Variants in NRXN3 observed in about 807,000 individuals in gnomAD.
NRXN3 encodes neurexin 3, also known as neurexin III.
NRXN3 carries 32 observed loss-of-function variants against 137.6 expected under a neutral mutation model. That is an observed-to-expected ratio of 0.23 (90% confidence interval 0.18 to 0.31). NRXN3 has a LOEUF of 0.31. NRXN3 is among the 10% of genes least tolerant of loss of function. NRXN3 has a pLI of 1.00. For missense variants in NRXN3, 1,574 were observed against 2,062.5 expected, an observed-to-expected ratio of 0.76 and a Z score of 4.59; for synonymous variants, 798 against 784.5, an observed-to-expected ratio of 1.02 and a Z score of -0.29.
intron 15 of NRXN3, among the ~76,000 whole-genome samples, chr14:78,992,772 T>G (rs1030540735): frequency 6.6e-6 from 1 of 152,230 alleles, no homozygotes; most frequent in Non-Finnish European, 1.5e-5. Context: ...GACAACTGTT[T>G]TGAGTGGCAT....
At chr14:78,549,916 G>A (rs1162035059) in intron 4 of NRXN3, among the ~76,000 whole-genome samples, 10 of 151,640 alleles carry the variant, frequency 6.6e-5, no homozygotes, top group Admixed American at 2.0e-4. Flanking sequence ...TCCCACTGTC[G>A]ATACTTTATC....
chr14:79,196,984 G>C (rs1157203571), intron 15 of NRXN3, among the ~76,000 whole-genome samples: 1 of 152,116 alleles, frequency 6.6e-6, no homozygotes, highest in Non-Finnish European at 1.5e-5. Context: ...AGGGTCTGGG[G>C]GTCAGTTGAG....
At chr14:78,261,228 G>A (rs1374898060) in intron 2 of NRXN3, among the ~76,000 whole-genome samples, 1 of 152,184 alleles carries the variant, frequency 6.6e-6, no homozygotes, top group African/African-American at 2.4e-5. Context: ...CAGCTGGGGG[G>A]TCTCTAGCAT....
chr14:78,495,431 T>A (rs2095761421), intron 4 of NRXN3, among the ~76,000 whole-genome samples: 1 of 152,124 alleles, frequency 6.6e-6, no homozygotes, highest in South Asian at 2.1e-4. Context: ...TGTTTCTGTG[T>A]ATCAGAGCAG....
chr14:78,801,721 T>G (rs2098839603), intron 8 of NRXN3, among the ~76,000 whole-genome samples: 1 of 152,224 alleles, frequency 6.6e-6, no homozygotes, highest in South Asian at 2.1e-4. Context: ...CCTCCTTCTT[T>G]CTTTCCTTTA....
chr14:79,411,565 A>G (rs1405209610), intron 15 of NRXN3, among the ~76,000 whole-genome samples: 2 of 152,148 alleles, frequency 1.3e-5, no homozygotes, highest in African/African-American at 4.8e-5. Context: ...ATGACTCTAC[A>G]TGCCCTTTAT....
chr14:78,635,737 G>T (rs930405113), intron 4 of NRXN3, among the ~76,000 whole-genome samples: 1 of 152,104 alleles, frequency 6.6e-6, no homozygotes, highest in African/African-American at 2.4e-5. Context: ...AAGGGTGAAA[G>T]GATATGTAAG....
intron 15 of NRXN3, among the ~76,000 whole-genome samples, chr14:79,209,485 A>G (rs989233838): frequency 6.6e-6 from 1 of 152,182 alleles, no homozygotes; most frequent in Non-Finnish European, 1.5e-5. Context: ...CTACTATGTG[A>G]GAGACTCTCA....
chr14:78,209,965 G>A (rs2153410199), intron 1 of NRXN3, among the ~76,000 whole-genome samples: 1 of 152,226 alleles, frequency 6.6e-6, no homozygotes, highest in Middle Eastern at 3.4e-3. Context: ...GAATTTAAGA[G>A]CCACAAAGGC....
chr14:78,930,545 C>A lies in NRXN3; in HGVS notation c.2276-26697C>A, dbSNP rs550548976. On this transcript the variant is annotated intron_variant, in intron 10 of 20. Transcript: ENST00000335750. ...GCATGTAAACAGATGAATTACAGCA[C>A]GAAGTGCTACTGCTGCACCAAGACA... Among the ~76,000 whole-genome samples the A allele has an allele frequency of 5.1e-4, 78 of 152,216 alleles. 1 individual carries two copies. The South Asian group carries it at 0.015, about 30-fold the overall frequency.
rs1427523595 is a variant in NRXN3 at position 79,467,332 on chromosome 14, C to T, written c.3374C>T (p.Thr1125Ile). 1.9e-6 allele frequency: 3 copies of T among 1,613,614 alleles called. No homozygotes were observed. The highest frequency in any genetic ancestry group is 2.5e-6 in the Non-Finnish European group (3 of 1,179,608). The stretch of plus-strand genomic sequence containing the variant: ...CGCCTTGCCGTGGGCTTCAGCACCA[C>T]TGTGAAGGATGGCATCTTGGTCCGC... ...SDRLAVGFST[T>I]VKDGILVRID... is the part of the protein sequence containing the mutation. Residue 1125 changes from threonine (T) to isoleucine (I), a missense_variant, in exon 16 of 21, where the codon ACT (threonine) becomes ATT (isoleucine). Physicochemically the swap from Thr to Ile is moderately conservative, Grantham distance 89. Coordinates refer to ENST00000335750, the MANE Select transcript of NRXN3 (RefSeq NM_001330195.2).
intron 15 of NRXN3, among the ~76,000 whole-genome samples, chr14:79,419,585 C>T (rs1417197643): frequency 2.6e-5 from 4 of 151,956 alleles, no homozygotes; most frequent in African/African-American, 9.7e-5. Flanking sequence ...TGTGTGCCTC[C>T]TGCTGCCACA....
At chr14:79,184,750 T>C (rs927495643) in intron 15 of NRXN3, among the ~76,000 whole-genome samples, 1 of 152,152 alleles carries the variant, frequency 6.6e-6, no homozygotes, top group African/African-American at 2.4e-5. Context: ...AATACCAGAA[T>C]ATGTTTTGTT....
rs534142842 is a variant in NRXN3, at chr14:79,838,104, T to C, written c.4094-23238T>C. On this transcript the variant is annotated intron_variant, in intron 20 of 20. Transcript: ENST00000335750. Reference sequence around the variant, plus strand: ...TAGTATACAGTGTTAAAAACTCAGCTTTTTGAGGGACCCAAGCAAGCCTAA... The same window carrying C: ...TAGTATACAGTGTTAAAAACTCAGCCTTTTGAGGGACCCAAGCAAGCCTAA... Among the ~76,000 whole-genome samples, 6 of 137,350 alleles carry C rather than the reference T, an allele frequency of 4.4e-5. No individual in the cohort carries two copies. In the South Asian group the frequency reaches 1.5e-3, roughly 34 times the overall value. 90.1% of individuals were successfully genotyped at this position (137,350 alleles called of 152,430 possible).
chr14:78,316,726 T>G (rs2153553693), intron 4 of NRXN3, among the ~76,000 whole-genome samples: 1 of 152,272 alleles, frequency 6.6e-6, no homozygotes, highest in Admixed American at 6.5e-5. Flanking sequence ...ACAAAGGGCA[T>G]TTATGGGCTC....
intron 16 of NRXN3, among the ~76,000 whole-genome samples, chr14:79,652,816 G>T (rs528827491): frequency 9.4e-4 from 143 of 151,998 alleles, no homozygotes; most frequent in Non-Finnish European, 1.7e-3. Flanking sequence ...TGTCATGGAG[G>T]TCATAGGGCC....
chr14:79,212,186 G>A (rs2067775888), intron 15 of NRXN3, among the ~76,000 whole-genome samples: 1 of 152,186 alleles, frequency 6.6e-6, no homozygotes, highest in African/African-American at 2.4e-5. Flanking sequence ...GCATCATTGT[G>A]TTTGGGCTGC....
Position 78,835,529 on chromosome 14 carries a change from AG to A in NRXN3, c.2275+25186del, listed in dbSNP as rs1177340549. 1.3e-5 allele frequency among the ~76,000 whole-genome samples: 2 copies of A among 152,080 alleles called. 1 individual carries two copies. Among genetic ancestry groups the A allele is most frequent in the African/African-American group, 4.8e-5 (2 of 41,402 alleles). ...ACTATGCTCTGGGCACTTGGCATCC[AG>A]TTTCTTTTTGTCCCTATCTCTTTTG... On this transcript the variant is annotated intron_variant, in intron 10 of 20. Coordinates refer to ENST00000335750, the MANE Select transcript of NRXN3 (RefSeq NM_001330195.2).
At chr14:78,969,584 A>G (rs775354033) in intron 14 of NRXN3, among the ~76,000 whole-genome samples, 1 of 152,126 alleles carries the variant, frequency 6.6e-6, no homozygotes, top group Non-Finnish European at 1.5e-5. Flanking sequence ...CTGTTCTTAA[A>G]CAGCTTCCAT....
Sources: gnomAD v4.1 joint callset for allele counts (sites outside exome capture counted in the v4.1 genomes callset) on GRCh38, gnomAD v4.1.1 for gene constraint, MANE v1.5 for transcripts, NCBI Gene and HGNC (gene_info 2026-07-23, HGNC 2026-07-21) for gene names.